NPAS3: variants seen among roughly 807,000 people sequenced by gnomAD.
The protein encoded by NPAS3 is neuronal PAS domain-containing protein 3.
In NPAS3, 14 loss-of-function variants were observed where a neutral mutation model predicts 73.1. The ratio of observed to expected loss-of-function variants is 0.19; its 90% CI spans 0.13 to 0.30. The LOEUF (loss-of-function observed/expected upper bound fraction) is 0.30, where lower values mean the gene tolerates loss of function less well. Ranked by LOEUF, NPAS3 falls within the 10% of genes least tolerant of loss-of-function variation. NPAS3 has a pLI of 1.00. For missense variants in NPAS3, 1,096 were observed against 1,250.0 expected, an observed-to-expected ratio of 0.88 and a Z score of 1.86; for synonymous variants, 620 against 541.5, an observed-to-expected ratio of 1.14 and a Z score of -2.01.
chr14:33,683,542 A>G (rs1246337723), intron 6 of NPAS3, among the ~76,000 whole-genome samples: 2 of 151,772 alleles, frequency 1.3e-5, no homozygotes, highest in Non-Finnish European at 2.9e-5. Flanking sequence ...TTTGCTTTTA[A>G]TACATTCCAC....
intron 3 of NPAS3, among the ~76,000 whole-genome samples, chr14:33,280,585 G>A (rs1328372478): frequency 1.3e-5 from 2 of 152,104 alleles, no homozygotes; most frequent in African/African-American, 4.8e-5. Context: ...TACTGACTCT[G>A]ATGCCATGTT....
intron 4 of NPAS3, among the ~76,000 whole-genome samples, chr14:33,544,715 A>G (rs1000376298): frequency 3.3e-5 from 4 of 121,810 alleles, no homozygotes; most frequent in Admixed American, 8.3e-5. Flanking sequence ...AAGTCACCCA[A>G]TCTGTGGTAT....
intron 1 of NPAS3, among the ~76,000 whole-genome samples, chr14:33,025,339 C>T (rs2039762863): frequency 2.6e-5 from 4 of 152,300 alleles, no homozygotes. Flanking sequence ...GCCTTGCTGG[C>T]TTGTTGCCAG....
At chr14:33,439,623 T>C (rs1420020018) in intron 4 of NPAS3, among the ~76,000 whole-genome samples, 1 of 152,124 alleles carries the variant, frequency 6.6e-6, no homozygotes, top group Non-Finnish European at 1.5e-5. Flanking sequence ...TAAAAATAAA[T>C]GAAACATTTA....
chr14:33,219,477 A>G (rs1445056996), intron 3 of NPAS3, among the ~76,000 whole-genome samples: 1 of 152,248 alleles, frequency 6.6e-6, no homozygotes, highest in African/African-American at 2.4e-5. Context: ...TATGTAAAGT[A>G]TAAGAAATTC....
chr14:33,101,138 C>G (rs2042565074), intron 2 of NPAS3, among the ~76,000 whole-genome samples: 1 of 152,178 alleles, frequency 6.6e-6, no homozygotes, highest in South Asian at 2.1e-4. Context: ...CCCTGCCCCC[C>G]ACACACACCT....
intron 5 of NPAS3, among the ~76,000 whole-genome samples, chr14:33,660,794 GT>G (rs1457575035): frequency 6.6e-6 from 1 of 152,148 alleles, no homozygotes; most frequent in Non-Finnish European, 1.5e-5. Context: ...CTATGAGACT[GT>G]TTTATTCGTC....
At chr14:33,111,817 CTTGCCCG>C (rs2042905187) in intron 2 of NPAS3, among the ~76,000 whole-genome samples, 1 of 150,854 alleles carries the variant, frequency 6.6e-6, no homozygotes, top group Non-Finnish European at 1.5e-5. Context: ...CCCCCTCCCC[CTTGCCCG>C]CACCCCACAA....
intron 2 of NPAS3, among the ~76,000 whole-genome samples, chr14:33,144,317 G>A (rs369992186): frequency 1.3e-5 from 2 of 152,294 alleles, no homozygotes; most frequent in East Asian, 1.9e-4. Flanking sequence ...GAAGAAGGAC[G>A]TTGAGCATCT....
At position 33,383,862 on chromosome 14, in the gene NPAS3, T is replaced by G. The variant is rs540168042; in HGVS notation, c.468+16594T>G. 2.6e-5 allele frequency among the ~76,000 whole-genome samples: 4 copies of G among 152,310 alleles called. No homozygotes were observed. In the South Asian group the frequency reaches 6.2e-4, roughly 24 times the overall value. On this transcript the variant is annotated intron_variant, in intron 4 of 11. Transcript: ENST00000356141. ...TTCCAGAACTGGAAAACCTCAGTCC[T>G]CTAAAATCTCGAGCATGTTATAATC...
Position 33,415,654 on chromosome 14 carries a change from C to G in NPAS3, c.468+48386C>G, listed in dbSNP as rs533996183. Among the ~76,000 whole-genome samples the G allele has an allele frequency of 3.2e-4, 48 of 152,214 alleles. 2 individuals carry two copies. In the South Asian group the frequency reaches 9.9e-3, roughly 32 times the overall value. ...GTGTATAAAATGCCTCTTGTCTTTA[C>G]TGTGGTTTCTCCATAGCACAGCTCT... On this transcript the variant is annotated intron_variant, in intron 4 of 11. Transcript: ENST00000356141.
intron 2 of NPAS3, among the ~76,000 whole-genome samples, chr14:33,084,313 G>T (rs1367189658): frequency 6.6e-6 from 1 of 152,142 alleles, no homozygotes; most frequent in Non-Finnish European, 1.5e-5. Flanking sequence ...ATATGCTTGG[G>T]TCTGCATTAA....
intron 5 of NPAS3, among the ~76,000 whole-genome samples, chr14:33,652,342 A>G (rs2140236541): frequency 6.6e-6 from 1 of 152,332 alleles, no homozygotes; most frequent in South Asian, 2.1e-4. Context: ...CAGCGTTTCC[A>G]TATTACTCAT....
At chr14:33,089,096 C>T (rs1769609818) in intron 2 of NPAS3, among the ~76,000 whole-genome samples, 1 of 151,824 alleles carries the variant, frequency 6.6e-6, no homozygotes, top group African/African-American at 2.4e-5. Context: ...GAGTGCCTCT[C>T]CCCCTCCAAA....
intron 2 of NPAS3, among the ~76,000 whole-genome samples, chr14:33,201,610 G>A (rs531031454): frequency 6.6e-6 from 1 of 152,352 alleles, no homozygotes; most frequent in South Asian, 2.1e-4. Flanking sequence ...CCTGTGACAG[G>A]CAGGCAACAG....
intron 1 of NPAS3, among the ~76,000 whole-genome samples, chr14:33,054,826 A>G (rs2040828922): frequency 6.6e-6 from 1 of 152,012 alleles, no homozygotes; most frequent in Non-Finnish European, 1.5e-5. Flanking sequence ...GTTAGCCAGG[A>G]TGGTCTTGAT....
chr14:33,015,864 A>G (rs536638966), intron 1 of NPAS3, among the ~76,000 whole-genome samples: 2 of 152,328 alleles, frequency 1.3e-5, no homozygotes, highest in Admixed American at 6.5e-5. Context: ...CTTTGACAAT[A>G]TAAATAGTAT....
intron 6 of NPAS3, among the ~76,000 whole-genome samples, chr14:33,734,385 T>C (rs1383397880): frequency 6.6e-6 from 1 of 152,172 alleles, no homozygotes; most frequent in Non-Finnish European, 1.5e-5. Context: ...TAAAGGTGTT[T>C]TTACATCAGC....
chr14:33,446,681 C>T (rs534602233), intron 4 of NPAS3, among the ~76,000 whole-genome samples: 84 of 152,188 alleles, frequency 5.5e-4, no homozygotes, highest in East Asian at 2.3e-3. Flanking sequence ...TTTTTAACTG[C>T]GTAATTCTAT....
Sources: allele counts gnomAD v4.1 joint callset (sites outside exome capture counted in the v4.1 genomes callset), GRCh38; gene constraint gnomAD v4.1.1; transcripts MANE v1.5; gene names NCBI Gene and HGNC (gene_info 2026-07-23, HGNC 2026-07-21).